Variants in SNCB observed in about 807,000 individuals in gnomAD.
The protein encoded by SNCB is beta-synuclein.
Under a neutral mutation model 20.0 loss-of-function variants are expected in SNCB, and 8 were observed. The ratio of observed to expected loss-of-function variants is 0.40; its 90% CI spans 0.24 to 0.72. SNCB has a LOEUF of 0.72. Ranked by LOEUF, SNCB falls within the 30% of genes least tolerant of loss-of-function variation. SNCB has a pLI of 0.37. For synonymous variants in SNCB, 56 were observed against 65.4 expected, an observed-to-expected ratio of 0.86 and a Z score of 0.69; for missense variants, 125 against 168.0, an observed-to-expected ratio of 0.74 and a Z score of 1.41.
chr5:176,623,382 G>A (rs929920712), intron 4 of SNCB, among the ~76,000 whole-genome samples: 9 of 151,806 alleles, frequency 5.9e-5, no homozygotes, highest in South Asian at 2.1e-4. Flanking sequence ...GCGAGACTCC[G>A]TCTAAAAAAA....
chr5:176,630,526 G>C lies in SNCB; in HGVS notation c.-256C>G, dbSNP rs1032551309. 1 of 153,028 alleles carries C rather than the reference G, an allele frequency of 6.5e-6. No individual in the cohort carries two copies. The highest frequency in any genetic ancestry group is 2.4e-5 in the African/African-American group (1 of 41,106). The allele number at this position is 153,028 out of a possible 1,614,324, so 9.5% of individuals were successfully genotyped here. ...GCTCCGGCTCCGGCTCCGGCGCTGC[G>C]GCAGCTCTGAGCTCAGCGCCCCCGC... On this transcript the variant is annotated 5_prime_UTR_variant, in exon 1 of 6. Coordinates refer to ENST00000393693, the MANE Select transcript of SNCB (RefSeq NM_003085.5).
At chr5:176,623,592 G>T (rs751218223) in intron 4 of SNCB, among the ~76,000 whole-genome samples, 3 of 152,192 alleles carry the variant, frequency 2.0e-5, no homozygotes, top group Non-Finnish European at 4.4e-5. Context: ...ACTGGAAGGG[G>T]TCACAAGGTG....
chr5:176,626,811 G>T lies in SNCB; in HGVS notation c.122-50C>A. Reference sequence around the variant, plus strand: ...TTAAGGACTCTGCGCTGAGGGAACAGAAACTCCAGCACAGCATGGTGATTA... The same window carrying T: ...TTAAGGACTCTGCGCTGAGGGAACATAAACTCCAGCACAGCATGGTGATTA... On this transcript the variant is annotated intron_variant, in intron 2 of 5. Coordinates refer to ENST00000393693, the MANE Select transcript of SNCB (RefSeq NM_003085.5). The surrounding 1 kb of genome is among the most constrained non-coding windows in gnomAD (Gnocchi z 4.2). The T allele has an allele frequency of 6.3e-7, 1 of 1,599,536 alleles. No homozygotes were observed. The highest frequency in any genetic ancestry group is 8.6e-7 in the Non-Finnish European group (1 of 1,166,772).
chr5:176,624,255 C>T (rs561753518), intron 4 of SNCB, among the ~76,000 whole-genome samples: 12 of 152,340 alleles, frequency 7.9e-5, no homozygotes, highest in African/African-American at 1.7e-4. Flanking sequence ...CATCACCAAG[C>T]GACCCCAGTG....
In SNCB at chr5:176,629,941, T is replaced by C; in HGVS notation, c.-9-278A>G. On this transcript the variant is annotated intron_variant, in intron 1 of 5. Transcript: ENST00000393693. The surrounding 1 kb of genome is among the most constrained non-coding windows in gnomAD (Gnocchi z 4.1). ...AGCCCCGTCGAACCGGAGTGCTGGGTTCGGCGCGAATATCCAGGACCCGCC... is the reference window on the plus strand; with the variant it reads ...AGCCCCGTCGAACCGGAGTGCTGGGCTCGGCGCGAATATCCAGGACCCGCC... 2.5e-6 allele frequency: 1 copy of C among 397,616 alleles called. No homozygotes were observed. The highest frequency in any genetic ancestry group is 4.6e-6 in the Non-Finnish European group (1 of 217,040). The allele number at this position is 397,616 out of a possible 1,614,324, so 24.6% of individuals were successfully genotyped here.
rs566603102 is a variant in SNCB at position 176,629,968 on chromosome 5, G to C, written c.-9-305C>G. ...CGGCGCGAATATCCAGGACCCGCCT[G>C]TACACGCACGGCACAGTCACACGGT... is the stretch of plus-strand genomic sequence containing the variant. On this transcript the variant is annotated intron_variant, in intron 1 of 5. Coordinates refer to ENST00000393693, the MANE Select transcript of SNCB (RefSeq NM_003085.5). This position sits in a 1 kb window ranked among gnomAD's most constrained non-coding sequence, Gnocchi z 4.1. The C allele has an allele frequency of 2.4e-5, 8 of 334,022 alleles. No homozygotes were observed. The East Asian group carries it at 4.8e-4, about 20-fold the overall frequency. 20.7% of individuals were successfully genotyped at this position (334,022 alleles called of 1,614,324 possible). A position where few individuals can be genotyped will look rare whatever the true frequency, so the allele number is the denominator to read the frequency against.
In SNCB at chr5:176,624,822, A is replaced by AC. The variant is rs1297996631; in HGVS notation, c.282+1575_282+1576insG. ...CGTCTCAAAAAAAAAAAAAAACAAA[A>AC]AAAAACAAATGGGAAGTCATACAGA... is the stretch of plus-strand genomic sequence containing the variant. On this transcript the variant is annotated intron_variant, in intron 4 of 5. Coordinates refer to ENST00000393693, the MANE Select transcript of SNCB (RefSeq NM_003085.5). Among the ~76,000 whole-genome samples the AC allele has an allele frequency of 7.9e-5, 12 of 151,846 alleles. No homozygotes were observed. The East Asian group carries it at 2.1e-3, about 27-fold the overall frequency.
chr5:176,623,393 A>T (rs1207490583), intron 4 of SNCB, among the ~76,000 whole-genome samples: 2 of 151,848 alleles, frequency 1.3e-5, no homozygotes, highest in Non-Finnish European at 2.9e-5. Flanking sequence ...TCTAAAAAAA[A>T]AGTCAGAAAG....
chr5:176,621,164 G>T lies in SNCB; in HGVS notation c.372+50C>A. On this transcript the variant is annotated intron_variant, in intron 5 of 5. Coordinates refer to ENST00000393693, the MANE Select transcript of SNCB (RefSeq NM_003085.5). The surrounding 1 kb of genome is among the most constrained non-coding windows in gnomAD (Gnocchi z 4.1). ...TGTCCCACCCCAGCTAGGGACGGCAGCAATCATCCTGGATTCCCAAAGTCC... is the reference window on the plus strand; with the variant it reads ...TGTCCCACCCCAGCTAGGGACGGCATCAATCATCCTGGATTCCCAAAGTCC... 1 of 1,429,800 alleles carries T rather than the reference G, an allele frequency of 7.0e-7. No individual in the cohort carries two copies. Among genetic ancestry groups the T allele is most frequent in the Non-Finnish European group, 9.8e-7 (1 of 1,024,802 alleles). 88.6% of individuals were successfully genotyped at this position (1,429,800 alleles called of 1,614,324 possible).
chr5:176,623,936 G>A (rs1002268016), intron 4 of SNCB, among the ~76,000 whole-genome samples: 4 of 152,158 alleles, frequency 2.6e-5, no homozygotes, highest in Admixed American at 2.0e-4. Flanking sequence ...CATGGGAAAC[G>A]AGGCTGGTGA....
rs1561904241 is a variant in SNCB at position 176,629,751 on chromosome 5, C to T, written c.-9-88G>A. 6.6e-7 allele frequency: 1 copy of T among 1,510,976 alleles called. No individual in the cohort carries two copies. The highest frequency in any genetic ancestry group is 8.9e-7 in the Non-Finnish European group (1 of 1,122,570). 93.6% of individuals were successfully genotyped at this position (1,510,976 alleles called of 1,614,324 possible). On this transcript the variant is annotated intron_variant, in intron 1 of 5. Coordinates refer to ENST00000393693, the MANE Select transcript of SNCB (RefSeq NM_003085.5). The surrounding 1 kb of genome is among the most constrained non-coding windows in gnomAD (Gnocchi z 4.1). ...GCGGGACGCAGATGCCCCCCTACTC[C>T]CGAGACCGCGGCGCCCTTCTGGACC...
In SNCB at chr5:176,620,998, C is replaced by A. The variant is rs1238138102; in HGVS notation, c.373-155G>T. Among the ~76,000 whole-genome samples, 1 of 152,078 alleles carries A rather than the reference C, an allele frequency of 6.6e-6. No individual in the cohort carries two copies. Among genetic ancestry groups the A allele is most frequent in the African/African-American group, 2.4e-5 (1 of 41,404 alleles). On this transcript the variant is annotated intron_variant, in intron 5 of 5. Transcript: ENST00000393693. The surrounding 1 kb of genome is among the most constrained non-coding windows in gnomAD (Gnocchi z 4.5). The stretch of plus-strand genomic sequence containing the variant: ...AGGGGAGGAGCCTGGAAGTTGGGGA[C>A]AACAGAGAATTCTTGGGCAGGTGTG...
In SNCB at chr5:176,620,611, C is replaced by G. The variant is rs1759518122; in HGVS notation, c.*200G>C. 1 of 613,912 alleles carries G rather than the reference C, an allele frequency of 1.6e-6. No homozygotes were observed. The highest frequency in any genetic ancestry group is 2.9e-6 in the Non-Finnish European group (1 of 343,740). The allele number at this position is 613,912 out of a possible 1,614,324, so 38.0% of individuals were successfully genotyped here. A position where few individuals can be genotyped will look rare whatever the true frequency, so the allele number is the denominator to read the frequency against. ...CCCAGCCGCGACCGCAACCCTGGCC[C>G]TGTCCATGCCCCGGGGTTGGACGCG... On this transcript the variant is annotated 3_prime_UTR_variant, in exon 6 of 6. Transcript: ENST00000393693. The surrounding 1 kb of genome is among the most constrained non-coding windows in gnomAD (Gnocchi z 4.5).
rs1759929181 is a variant in SNCB at position 176,626,197 on chromosome 5, C to G, written c.282+201G>C. 6.6e-6 allele frequency among the ~76,000 whole-genome samples: 1 copy of G among 152,162 alleles called. No individual in the cohort carries two copies. Among genetic ancestry groups the G allele is most frequent in the Non-Finnish European group, 1.5e-5 (1 of 68,032 alleles). ...GGTCCCCATCACCGGGAGCGTCACACCCATGCACGCCTTTATTCAGATGCA... is the reference window on the plus strand; with the variant it reads ...GGTCCCCATCACCGGGAGCGTCACAGCCATGCACGCCTTTATTCAGATGCA... On this transcript the variant is annotated intron_variant, in intron 4 of 5. Transcript: ENST00000393693. This position sits in a 1 kb window ranked among gnomAD's most constrained non-coding sequence, Gnocchi z 4.2.
rs371808927 is a variant in SNCB, at chr5:176,621,163, A to G, written c.372+51T>C. ...ATGTCCCACCCCAGCTAGGGACGGCAGCAATCATCCTGGATTCCCAAAGTC... is the reference window on the plus strand; with the variant it reads ...ATGTCCCACCCCAGCTAGGGACGGCGGCAATCATCCTGGATTCCCAAAGTC... On this transcript the variant is annotated intron_variant, in intron 5 of 5. Transcript: ENST00000393693. This position sits in a 1 kb window ranked among gnomAD's most constrained non-coding sequence, Gnocchi z 4.1. 1,303 of 1,424,926 alleles carry G rather than the reference A, an allele frequency of 9.1e-4. 2 individuals are homozygous for G. The highest frequency in any genetic ancestry group is 3.8e-3 in the Middle Eastern group (21 of 5,538). 88.3% of individuals were successfully genotyped at this position (1,424,926 alleles called of 1,614,324 possible). A position where few individuals can be genotyped will look rare whatever the true frequency, so the allele number is the denominator to read the frequency against.
chr5:176,626,926 C>T lies in SNCB; in HGVS notation c.122-165G>A, dbSNP rs1759997313. Reference sequence around the variant, plus strand: ...CATGTTAACCCCCGTCTTATCACTGCACTGGGCCCCACACCTCTGTCTGCA... The same window carrying T: ...CATGTTAACCCCCGTCTTATCACTGTACTGGGCCCCACACCTCTGTCTGCA... On this transcript the variant is annotated intron_variant, in intron 2 of 5. Coordinates refer to ENST00000393693, the MANE Select transcript of SNCB (RefSeq NM_003085.5). The surrounding 1 kb of genome is among the most constrained non-coding windows in gnomAD (Gnocchi z 4.2). Among the ~76,000 whole-genome samples, 1 of 152,178 alleles carries T rather than the reference C, an allele frequency of 6.6e-6. No homozygotes were observed. Among genetic ancestry groups the T allele is most frequent in the South Asian group, 2.1e-4 (1 of 4,834 alleles).
At chr5:176,623,927 A>C (rs1306376030) in intron 4 of SNCB, among the ~76,000 whole-genome samples, 1 of 152,172 alleles carries the variant, frequency 6.6e-6, no homozygotes, top group African/African-American at 2.4e-5. Flanking sequence ...GCAGCCTTGC[A>C]TGGGAAACGA....
rs1403223214 is a variant in SNCB at position 176,626,319 on chromosome 5, GTTTA to G, written c.282+75_282+78del. 15 of 1,039,370 alleles carry G rather than the reference GTTTA, an allele frequency of 1.4e-5. No homozygotes were observed. The highest frequency in any genetic ancestry group is 2.5e-5 in the South Asian group (2 of 78,718). 64.4% of individuals were successfully genotyped at this position (1,039,370 alleles called of 1,614,324 possible). On this transcript the variant is annotated intron_variant, in intron 4 of 5. Coordinates refer to ENST00000393693, the MANE Select transcript of SNCB (RefSeq NM_003085.5). This position sits in a 1 kb window ranked among gnomAD's most constrained non-coding sequence, Gnocchi z 4.2. The stretch of plus-strand genomic sequence containing the variant: ...ATTAGGGGGGCGGGGATGGTGACAG[GTTTA>G]TTTGTGTGCCTGGTGTGTGTGTGTG...
Position 176,629,182 on chromosome 5 carries a change from G to T in SNCB, c.121+352C>A, listed in dbSNP as rs1203364087. Among the ~76,000 whole-genome samples the T allele has an allele frequency of 6.6e-6, 1 of 152,162 alleles. No homozygotes were observed. The highest frequency in any genetic ancestry group is 1.5e-5 in the Non-Finnish European group (1 of 68,034). On this transcript the variant is annotated intron_variant, in intron 2 of 5. Coordinates refer to ENST00000393693, the MANE Select transcript of SNCB (RefSeq NM_003085.5). The surrounding 1 kb of genome is among the most constrained non-coding windows in gnomAD (Gnocchi z 4.1). ...CGAAGCATTACATGAGGAAATGGAT[G>T]TTATGACATTTTACCCAGTACTTGG...
Sources: gnomAD v4.1 joint callset for allele counts (sites outside exome capture counted in the v4.1 genomes callset) on GRCh38, gnomAD v4.1.1 for gene constraint, Gnocchi (gnomAD v3.1) non-coding constraint, MANE v1.5 for transcripts, NCBI Gene and HGNC (gene_info 2026-07-23, HGNC 2026-07-21) for gene names.